MYLK: variants seen among roughly 807,000 people sequenced by gnomAD.
MYLK encodes myosin light chain kinase, smooth muscle.
MYLK carries 106 observed loss-of-function variants against 203.4 expected under a neutral mutation model. That is an observed-to-expected ratio of 0.52 (90% confidence interval 0.45 to 0.61). The LOEUF (loss-of-function observed/expected upper bound fraction) is 0.61, where lower values mean the gene tolerates loss of function less well. Among genes scored for constraint, MYLK ranks in the 20% least tolerant of loss-of-function variants. The pLI is 0.00. For synonymous variants in MYLK, 867 were observed against 959.5 expected (o/e 0.90, Z 1.78); for missense variants, 2,072 against 2,442.3 (o/e 0.85, Z 3.20).
chr3:123,789,994 C>T (rs1382288637), intron 4 of MYLK, among the ~76,000 whole-genome samples: 2 of 152,154 alleles, frequency 1.3e-5, no homozygotes, highest in Non-Finnish European at 1.5e-5. Flanking sequence ...GGAATACTTT[C>T]GGTAACATTT....
intron 3 of MYLK, among the ~76,000 whole-genome samples, chr3:123,824,642 C>T (rs553506252): frequency 6.6e-6 from 1 of 152,032 alleles, no homozygotes; most frequent in South Asian, 2.1e-4. Flanking sequence ...GATCAAGGTC[C>T]TAATGCCCAC....
At chr3:123,683,606 C>G (rs2060345486) in intron 19 of MYLK, among the ~76,000 whole-genome samples, 1 of 152,196 alleles carries the variant, frequency 6.6e-6, no homozygotes, top group Non-Finnish European at 1.5e-5. Context: ...CCCCGATAGG[C>G]TTTCTTCCCA....
intron 4 of MYLK, among the ~76,000 whole-genome samples, chr3:123,780,905 A>C (rs954666999): frequency 2.6e-5 from 4 of 152,234 alleles, no homozygotes; most frequent in Non-Finnish European, 5.9e-5. Context: ...ATAAAGCCAA[A>C]GATACACAGT....
intron 3 of MYLK, among the ~76,000 whole-genome samples, chr3:123,815,084 C>T (rs1457730673): frequency 6.6e-6 from 1 of 152,208 alleles, no homozygotes; most frequent in East Asian, 1.9e-4. Flanking sequence ...TGAGCCACCA[C>T]ACCTGGCCCC....
intron 3 of MYLK, among the ~76,000 whole-genome samples, chr3:123,804,305 T>A (rs564334516): frequency 2.6e-5 from 4 of 152,112 alleles, no homozygotes; most frequent in African/African-American, 9.6e-5. Context: ...CCCATGGCAG[T>A]AGGGTGTGCT....
intron 31 of MYLK, chr3:123,622,924 G>A (rs1486925190): frequency 1.3e-5 from 2 of 152,160 alleles, no homozygotes; most frequent in African/African-American, 4.8e-5. Context: ...CTTGCTTGAG[G>A]GCAATTGCCC....
intron 13 of MYLK, among the ~76,000 whole-genome samples, chr3:123,714,865 G>A (rs1399558012): frequency 6.6e-6 from 1 of 152,220 alleles, no homozygotes; most frequent in Non-Finnish European, 1.5e-5. Flanking sequence ...CGTCCAATGG[G>A]AAAGACAAGC....
rs60150580 is a variant in MYLK, at chr3:123,670,282, C to T, written c.3653-3095G>A. ...GATGGTTAGTTAGAAGGCTAAAAGA[C>T]AGGATGTAAGATGGACCTGAAGGCT... is the stretch of plus-strand genomic sequence containing the variant. On this transcript the variant is annotated intron_variant, in intron 20 of 33. Transcript: ENST00000360304. 0.033 allele frequency among the ~76,000 whole-genome samples: 5,045 copies of T among 152,068 alleles called. 395 individuals carry two copies. The East Asian group carries it at 0.34, about 10-fold the overall frequency.
intron 4 of MYLK, among the ~76,000 whole-genome samples, chr3:123,755,756 T>C (rs1451627276): frequency 6.6e-6 from 1 of 152,090 alleles, no homozygotes; most frequent in Non-Finnish European, 1.5e-5. Context: ...AAGTCATAGC[T>C]GGGATTTTTA....
intron 4 of MYLK, among the ~76,000 whole-genome samples, chr3:123,778,684 T>G (rs2064172054): frequency 6.6e-6 from 1 of 152,186 alleles, no homozygotes; most frequent in Non-Finnish European, 1.5e-5. Context: ...GCCCAGCCAC[T>G]TCCCATGTGC....
At chr3:123,782,589 C>T (rs988701858) in intron 4 of MYLK, among the ~76,000 whole-genome samples, 1 of 152,192 alleles carries the variant, frequency 6.6e-6, no homozygotes. Context: ...TCAGTGCTAT[C>T]GCTCATGCCT....
chr3:123,802,651 C>G (rs1192651654), intron 3 of MYLK, among the ~76,000 whole-genome samples: 1 of 152,214 alleles, frequency 6.6e-6, no homozygotes, highest in Non-Finnish European at 1.5e-5. Flanking sequence ...ACCTCACGCA[C>G]AGTGTGAAGG....
intron 4 of MYLK, among the ~76,000 whole-genome samples, chr3:123,771,229 AC>A (rs11367860): frequency 0.028 from 4,284 of 152,264 alleles, 193 homozygotes; most frequent in African/African-American, 0.094. Flanking sequence ...AGTTTCTTCC[AC>A]TGAACTTTTC....
chr3:123,724,099 A>C (rs1489018716), intron 12 of MYLK, among the ~76,000 whole-genome samples: 1 of 142,246 alleles, frequency 7.0e-6, no homozygotes, highest in Non-Finnish European at 1.5e-5. Context: ...CCCAGGTTGG[A>C]GTGCAGTGGC....
At chr3:123,816,434 G>GA (rs1577056232) in intron 3 of MYLK, among the ~76,000 whole-genome samples, 2 of 152,208 alleles carry the variant, frequency 1.3e-5, no homozygotes, top group Admixed American at 6.5e-5. Context: ...CTCCTTAAAT[G>GA]TGGCCTGTTG....
Position 123,708,778 on chromosome 3 carries a change from G to C in MYLK, c.2060C>G (p.Pro687Arg), listed in dbSNP as rs144923036. 2 of 1,614,106 alleles carry C rather than the reference G, an allele frequency of 1.2e-6. No homozygotes were observed. Among genetic ancestry groups the C allele is most frequent in the African/African-American group, 2.7e-5 (2 of 75,016 alleles). The part of the protein sequence containing the change: ...QHSLCIQEVF[P>R]EDTGTYTCEA... ...GCAGGTGTACGTGCCCGTGTCCTCC[G>C]GGAACACTTCCTGGATACAAAGGCT... Residue 687 changes from proline (P) to arginine (R), a missense_variant, in exon 15 of 34, where the codon CCG becomes CGG. Transcript: ENST00000360304.
rs201487418 is a variant in MYLK at position 123,638,236 on chromosome 3, G to A, written c.4838-42C>T. The A allele has an allele frequency of 1.5e-3, 2,452 of 1,612,588 alleles. 16 individuals carry two copies. Among genetic ancestry groups the A allele is most frequent in the Middle Eastern group, 0.012 (62 of 5,070 alleles). ...GAGGGATAAATTGCCAGCACATCAC[G>A]GAGCCAGCTTGAGACCAGCAGCTGC... is the stretch of plus-strand genomic sequence containing the variant. On this transcript the variant is annotated intron_variant, in intron 28 of 33. Transcript: ENST00000360304.
At chr3:123,730,851 CTG>C (rs894352566) in intron 11 of MYLK, among the ~76,000 whole-genome samples, 24 of 152,242 alleles carry the variant, frequency 1.6e-4, no homozygotes, top group African/African-American at 5.8e-4. Context: ...CCACACAACT[CTG>C]TGAATATATT....
At chr3:123,687,435 T>A (rs1416084683) in intron 19 of MYLK, among the ~76,000 whole-genome samples, 1 of 152,090 alleles carries the variant, frequency 6.6e-6, no homozygotes, top group Non-Finnish European at 1.5e-5. Flanking sequence ...GGTGACTCAG[T>A]CTCTGTTTGC....
Sources: gnomAD v4.1 joint callset for allele counts (sites outside exome capture counted in the v4.1 genomes callset) on GRCh38, gnomAD v4.1.1 for gene constraint, MANE v1.5 for transcripts, NCBI Gene and HGNC (gene_info 2026-07-23, HGNC 2026-07-21) for gene names.